Variants in SLC45A4 observed in about 807,000 individuals in gnomAD.
SLC45A4 encodes solute carrier family 45 member 4, also known as polyamine-transporter SLC45A4.
SLC45A4 carries 32 observed loss-of-function variants against 63.7 expected under a neutral mutation model. The observed-to-expected ratio is 0.50, with a 90% CI of 0.38 to 0.67. The LOEUF (loss-of-function observed/expected upper bound fraction) is 0.67, where lower values mean the gene tolerates loss of function less well. Among genes scored for constraint, SLC45A4 ranks in the 30% least tolerant of loss-of-function variants. SLC45A4 has a pLI of 0.00. For synonymous variants in SLC45A4, 535 were observed against 510.0 expected (o/e 1.05, Z -0.66); for missense variants, 1,027 against 1,157.7 (o/e 0.89, Z 1.64).
intron 2 of SLC45A4, chr8:141,230,045 C>G: frequency 2.2e-6 from 1 of 456,060 alleles, no homozygotes; most frequent in Non-Finnish European, 4.4e-6. Flanking sequence ...CACCATTACA[C>G]GATGATAAGA....
chr8:141,231,710 T>C (rs548080549), intron 2 of SLC45A4, among the ~76,000 whole-genome samples: 235 of 152,310 alleles, frequency 1.5e-3, no homozygotes, highest in African/African-American at 5.5e-3. Context: ...ACAGAGCCAC[T>C]GTGGGCCCTG....
chr8:141,275,272 C>G (rs1033157115), intron 1 of SLC45A4, among the ~76,000 whole-genome samples: 1 of 152,188 alleles, frequency 6.6e-6, no homozygotes, highest in Non-Finnish European at 1.5e-5. Context: ...ACAGCAGCCA[C>G]GTTCAAGATG....
At chr8:141,220,662 G>A (rs1359428560) in intron 3 of SLC45A4, among the ~76,000 whole-genome samples, 2 of 152,234 alleles carry the variant, frequency 1.3e-5, no homozygotes, top group Non-Finnish European at 2.9e-5. Context: ...AGGCGCGGGA[G>A]AAGGGCTTTC....
At position 141,237,084 on chromosome 8, in the gene SLC45A4, G is replaced by A. The variant is rs538460366; in HGVS notation, c.242-15319C>T. 1.1e-4 allele frequency among the ~76,000 whole-genome samples: 17 copies of A among 152,206 alleles called. 1 individual carries two copies. In the East Asian group the frequency reaches 2.7e-3, roughly 24 times the overall value. The stretch of plus-strand genomic sequence containing the variant: ...CAAATGTGTATGGTTCATGTTCTAA[G>A]ATTTTGAAAATTATAGCGATCTAGT... On this transcript the variant is annotated intron_variant, in intron 2 of 8. Transcript: ENST00000517878.
At chr8:141,246,648 G>C (rs1425400723) in intron 2 of SLC45A4, among the ~76,000 whole-genome samples, 2 of 22,136 alleles carry the variant, frequency 9.0e-5, no homozygotes, top group African/African-American at 3.3e-4. Context: ...AAGGGGTGAA[G>C]GTCACGGGGT....
Position 141,259,354 on chromosome 8 carries a change from C to T in SLC45A4, c.-400-4725G>A, listed in dbSNP as rs148646995. ...TGCACGTTCAGCCGTGCACACAGGC[C>T]CCACCTCAGGCCCCCCAGCTCCAGA... On this transcript the variant is annotated intron_variant, in intron 1 of 8. Coordinates refer to ENST00000517878, the MANE Select transcript of SLC45A4 (RefSeq NM_001286646.2). 4.6e-3 allele frequency among the ~76,000 whole-genome samples: 699 copies of T among 152,306 alleles called. 17 individuals carry two copies. Among genetic ancestry groups the T allele is most frequent in the Admixed American group, 0.037 (565 of 15,298 alleles).
intron 2 of SLC45A4, among the ~76,000 whole-genome samples, chr8:141,250,639 C>G (rs1327443729): frequency 6.6e-6 from 1 of 152,160 alleles, no homozygotes; most frequent in African/African-American, 2.4e-5. Flanking sequence ...CTGGGCCTCC[C>G]AAAGTGTTGG....
chr8:141,243,278 G>A (rs768511949), intron 2 of SLC45A4, among the ~76,000 whole-genome samples: 28 of 152,214 alleles, frequency 1.8e-4, no homozygotes, highest in Non-Finnish European at 3.7e-4. Flanking sequence ...AGCGGTGTGG[G>A]GATGTGACCG....
chr8:141,277,627 A>T (rs1829776382), intron 1 of SLC45A4, among the ~76,000 whole-genome samples: 1 of 152,068 alleles, frequency 6.6e-6, no homozygotes, highest in Admixed American at 6.5e-5. Flanking sequence ...AAAATCTTCA[A>T]ATTGTGTTAT....
chr8:141,224,882 T>C (rs773700962), intron 2 of SLC45A4: 6 of 152,296 alleles, frequency 3.9e-5, no homozygotes, highest in Non-Finnish European at 7.3e-5. Flanking sequence ...TTAATCTCTA[T>C]ATGATCATTT....
At chr8:141,228,174 C>T in intron 2 of SLC45A4, 2 of 1,614,014 alleles carry the variant, frequency 1.2e-6, no homozygotes, top group Non-Finnish European at 1.7e-6. Flanking sequence ...ATTGAGCATT[C>T]TAACCTTTCT....
At chr8:141,247,929 CA>C (rs1036103939) in intron 2 of SLC45A4, among the ~76,000 whole-genome samples, 9 of 152,216 alleles carry the variant, frequency 5.9e-5, no homozygotes, top group African/African-American at 2.2e-4. Context: ...GATGCTGGAA[CA>C]ACTCAATTTC....
intron 2 of SLC45A4, among the ~76,000 whole-genome samples, chr8:141,239,808 C>T (rs1193547819): frequency 1.3e-5 from 2 of 152,242 alleles, no homozygotes; most frequent in Non-Finnish European, 2.9e-5. Flanking sequence ...GGCATGGCCT[C>T]TGCAGGTGAC....
chr8:141,219,254 G>A (rs1201054471), intron 4 of SLC45A4, among the ~76,000 whole-genome samples: 1 of 152,244 alleles, frequency 6.6e-6, no homozygotes, highest in East Asian at 1.9e-4. Context: ...ATGAAGGGCA[G>A]ACTACCCCAG....
At chr8:141,270,985 G>A (rs1456798458) in intron 1 of SLC45A4, among the ~76,000 whole-genome samples, 2 of 152,184 alleles carry the variant, frequency 1.3e-5, no homozygotes, top group Non-Finnish European at 2.9e-5. Context: ...CTATAAATGA[G>A]CAAATGAAGC....
intron 2 of SLC45A4, among the ~76,000 whole-genome samples, chr8:141,243,072 C>A (rs1451825739): frequency 6.6e-6 from 1 of 152,200 alleles, no homozygotes; most frequent in East Asian, 1.9e-4. Flanking sequence ...TACTCCTGCT[C>A]CGGGGTCCCT....
At position 141,256,549 on chromosome 8, in the gene SLC45A4, G is replaced by A. The variant is rs779183767; in HGVS notation, c.-400-1920C>T. The A allele has an allele frequency of 8.8e-6, 4 of 456,120 alleles. No individual in the cohort carries two copies. Among genetic ancestry groups the A allele is most frequent in the Admixed American group, 2.4e-5 (1 of 42,552 alleles). 28.3% of individuals were successfully genotyped at this position (456,120 alleles called of 1,614,324 possible). A position where few individuals can be genotyped will look rare whatever the true frequency, so the allele number is the denominator to read the frequency against. ...TGGGCCCCAGGAGGGAGAAGACTCC[G>A]CTGTACAGGAGGTTCTGGAAGGAAG... On this transcript the variant is annotated intron_variant, in intron 1 of 8. Coordinates refer to ENST00000517878, the MANE Select transcript of SLC45A4 (RefSeq NM_001286646.2). This position sits in a 1 kb window ranked among gnomAD's most constrained non-coding sequence, Gnocchi z 4.3.
intron 2 of SLC45A4, among the ~76,000 whole-genome samples, chr8:141,234,978 G>T (rs1449586551): frequency 6.6e-6 from 1 of 152,236 alleles, no homozygotes; most frequent in Non-Finnish European, 1.5e-5. Flanking sequence ...CCCGAGGACA[G>T]GAATGCGCCC....
rs1461522776 is a variant in SLC45A4, at chr8:141,227,192, G to A, written c.242-5427C>T. Among the ~76,000 whole-genome samples the A allele has an allele frequency of 6.6e-6, 1 of 152,232 alleles. No homozygotes were observed. On this transcript the variant is annotated intron_variant, in intron 2 of 8. Coordinates refer to ENST00000517878, the MANE Select transcript of SLC45A4 (RefSeq NM_001286646.2). The surrounding 1 kb of genome is among the most constrained non-coding windows in gnomAD (Gnocchi z 4.4). ...AGACCAGGAAGGCTCTCCGTTCACA[G>A]GAAATACTGTGTCACCGCTCGGCCG...
Sources: gnomAD v4.1 joint callset for allele counts (sites outside exome capture counted in the v4.1 genomes callset) on GRCh38, gnomAD v4.1.1 for gene constraint, Gnocchi (gnomAD v3.1) non-coding constraint, MANE v1.5 for transcripts, NCBI Gene and HGNC (gene_info 2026-07-23, HGNC 2026-07-21) for gene names.